The following ZBTB20 variants were observed in gnomAD, a reference collection of about 807,000 sequenced individuals.
ZBTB20 encodes zinc finger and BTB domain-containing protein 20.
ZBTB20 carries 9 observed loss-of-function variants against 56.9 expected under a neutral mutation model. That is an observed-to-expected ratio of 0.16 (90% CI 0.10 to 0.28). The LOEUF is 0.28. Ranked by LOEUF, ZBTB20 falls within the 10% of genes least tolerant of loss-of-function variation. ZBTB20 has a pLI of 1.00. For synonymous variants in ZBTB20, 417 were observed against 420.7 expected, an observed-to-expected ratio of 0.99 and a Z score of 0.11; for missense variants, 655 against 1,003.0, an observed-to-expected ratio of 0.65 and a Z score of 4.69.
chr3:114,506,322 A>G (rs2109746918), intron 6 of ZBTB20, among the ~76,000 whole-genome samples: 1 of 152,246 alleles, frequency 6.6e-6, no homozygotes, highest in East Asian at 1.9e-4. Context: ...AAGTTCAGCA[A>G]TTAGGTCTGG....
At chr3:114,822,887 G>C (rs936998401) in intron 4 of ZBTB20, among the ~76,000 whole-genome samples, 1 of 151,988 alleles carries the variant, frequency 6.6e-6, no homozygotes. Flanking sequence ...TATATGACTA[G>C]GTACATCCGT....
intron 2 of ZBTB20, among the ~76,000 whole-genome samples, chr3:115,021,955 T>G (rs943983791): frequency 6.6e-6 from 1 of 150,914 alleles, no homozygotes; most frequent in South Asian, 2.1e-4. Flanking sequence ...CATAATAATT[T>G]TAGGAATCAC....
intron 6 of ZBTB20, among the ~76,000 whole-genome samples, chr3:114,600,687 C>G (rs1045794293): frequency 5.3e-5 from 8 of 151,876 alleles, no homozygotes; most frequent in African/African-American, 1.5e-4. Flanking sequence ...AATATGTATT[C>G]TACTTTCTTG....
chr3:114,590,313 A>G (rs994138546), intron 6 of ZBTB20, among the ~76,000 whole-genome samples: 1 of 151,906 alleles, frequency 6.6e-6, no homozygotes, highest in Non-Finnish European at 1.5e-5. Context: ...AAAATTAGCC[A>G]GTCATGATGG....
chr3:114,347,582 G>A (rs1405345626), intron 11 of ZBTB20, among the ~76,000 whole-genome samples: 1 of 152,182 alleles, frequency 6.6e-6, no homozygotes, highest in Non-Finnish European at 1.5e-5. Flanking sequence ...GTTTGGAAAT[G>A]CGAGCTACAA....
chr3:114,333,068 G>A lies in ZBTB20; in HGVS notation c.*5937C>T, dbSNP rs1022641003. On this transcript the variant is annotated 3_prime_UTR_variant, in exon 12 of 12. Coordinates refer to ENST00000675478, the MANE Select transcript of ZBTB20 (RefSeq NM_001348800.3). ...CATTGCTGACTGCTATAGACTCAGT[G>A]TTCAAGGAGAAAAAAATCTTCAGAG... The A allele has an allele frequency of 6.6e-6, 1 of 152,148 alleles. No individual in the cohort carries two copies. The highest frequency in any genetic ancestry group is 1.5e-5 in the Non-Finnish European group (1 of 68,022). The allele number at this position is 152,148 out of a possible 1,614,324, so 9.4% of individuals were successfully genotyped here.
At chr3:114,929,140 A>C (rs757058436) in intron 3 of ZBTB20, among the ~76,000 whole-genome samples, 6 of 152,262 alleles carry the variant, frequency 3.9e-5, no homozygotes, top group Non-Finnish European at 8.8e-5. Context: ...CCTGTGCCTC[A>C]GGCCTTGCTC....
intron 1 of ZBTB20, among the ~76,000 whole-genome samples, chr3:115,104,616 G>A (rs1012144251): frequency 7.2e-5 from 11 of 152,038 alleles, no homozygotes; most frequent in Admixed American, 2.0e-4. Flanking sequence ...TCCACTGTAC[G>A]TATCTATACA....
chr3:114,498,486 G>A (rs2043549025), intron 7 of ZBTB20, among the ~76,000 whole-genome samples: 1 of 152,156 alleles, frequency 6.6e-6, no homozygotes, highest in Non-Finnish European at 1.5e-5. Context: ...AGCCTCTGGG[G>A]CACCACTCTG....
At chr3:114,638,377 T>C (rs1291077921) in intron 6 of ZBTB20, among the ~76,000 whole-genome samples, 2 of 152,118 alleles carry the variant, frequency 1.3e-5, no homozygotes, top group Non-Finnish European at 2.9e-5. Flanking sequence ...CTTTATCATA[T>C]ACCAGGAATT....
At chr3:114,545,013 C>T (rs1238813189) in intron 6 of ZBTB20, among the ~76,000 whole-genome samples, 3 of 152,154 alleles carry the variant, frequency 2.0e-5, no homozygotes, top group Non-Finnish European at 4.4e-5. Context: ...AATGAAATGG[C>T]TCATGAAGTT....
At chr3:114,713,237 G>A (rs1472732118) in intron 5 of ZBTB20, among the ~76,000 whole-genome samples, 3 of 152,010 alleles carry the variant, frequency 2.0e-5, no homozygotes, top group Non-Finnish European at 1.5e-5. Context: ...ATTTTCTTCA[G>A]AAGAAAAGGA....
intron 5 of ZBTB20, among the ~76,000 whole-genome samples, chr3:114,717,316 A>C (rs1236388552): frequency 1.3e-5 from 2 of 152,082 alleles, no homozygotes; most frequent in African/African-American, 2.4e-5. Context: ...ACCATAAAGG[A>C]ACTTTAGACG....
chr3:114,486,119 AGTGT>A (rs150394898), intron 7 of ZBTB20, among the ~76,000 whole-genome samples: 77 of 26,730 alleles, frequency 2.9e-3, no homozygotes, highest in African/African-American at 5.6e-3. Flanking sequence ...GGTCAGTAAG[AGTGT>A]GTGTGTGTGT....
chr3:115,055,625 A>G (rs1468446587), intron 2 of ZBTB20, among the ~76,000 whole-genome samples: 2 of 152,162 alleles, frequency 1.3e-5, no homozygotes, highest in African/African-American at 4.8e-5. Context: ...AATATCTAAC[A>G]TATCGCATTG....
intron 4 of ZBTB20, among the ~76,000 whole-genome samples, chr3:114,860,199 C>A (rs1042845918): frequency 6.6e-6 from 1 of 151,618 alleles, no homozygotes; most frequent in African/African-American, 2.4e-5. Context: ...CCCAGCTACT[C>A]GGGAGGCTGA....
intron 7 of ZBTB20, among the ~76,000 whole-genome samples, chr3:114,411,326 C>T (rs1396039459): frequency 6.6e-6 from 1 of 151,998 alleles, no homozygotes; most frequent in East Asian, 1.9e-4. Context: ...CTCCAGGCAT[C>T]AGTGAGGACA....
intron 2 of ZBTB20, among the ~76,000 whole-genome samples, chr3:114,999,750 C>T (rs145907507): frequency 3.3e-5 from 5 of 151,754 alleles, no homozygotes; most frequent in East Asian, 2.0e-4. Context: ...TATACTACCA[C>T]CTCTCCAAGC....
intron 1 of ZBTB20, among the ~76,000 whole-genome samples, chr3:115,137,445 A>G (rs2084680880): frequency 1.3e-5 from 2 of 152,078 alleles, no homozygotes; most frequent in Non-Finnish European, 2.9e-5. Flanking sequence ...ACTATACTAA[A>G]TATAATCCAA....
Sources: gnomAD v4.1 joint callset for allele counts (sites outside exome capture counted in the v4.1 genomes callset) on GRCh38, gnomAD v4.1.1 for gene constraint, MANE v1.5 for transcripts, NCBI Gene and HGNC (gene_info 2026-07-23, HGNC 2026-07-21) for gene names.